Variants in NAA11 observed in about 807,000 individuals in gnomAD.
The protein encoded by NAA11 is N-alpha-acetyltransferase 11, NatA catalytic subunit.
A neutral mutation model predicts 16.1 loss-of-function variants in NAA11; 15 were observed. That is an observed-to-expected ratio of 0.93 (90% CI 0.62 to 1.44). The LOEUF is 1.44. NAA11 is among the 40% of genes most tolerant of loss of function. The pLI is 0.00. For synonymous variants in NAA11, 122 were observed against 112.4 expected, an observed-to-expected ratio of 1.09 and a Z score of -0.54; for missense variants, 298 against 291.3, an observed-to-expected ratio of 1.02 and a Z score of -0.17.
chr4:79,283,030 A>G (rs949359092), intron 2 of NAA11, among the ~76,000 whole-genome samples: 3 of 152,104 alleles, frequency 2.0e-5, no homozygotes, highest in African/African-American at 7.2e-5. Context: ...ACCATGGCCA[A>G]CGCTGCTGAG....
intron 1 of NAA11, among the ~76,000 whole-genome samples, chr4:79,296,107 T>C (rs1027147964): frequency 1.3e-5 from 2 of 152,242 alleles, no homozygotes; most frequent in African/African-American, 4.8e-5. Context: ...CTTCATTCTG[T>C]GTAATTCTGT....
At chr4:79,265,209 C>T (rs1560433662) in intron 2 of NAA11, among the ~76,000 whole-genome samples, 2 of 152,118 alleles carry the variant, frequency 1.3e-5, no homozygotes, top group African/African-American at 4.8e-5. Flanking sequence ...TTTCAAGTCT[C>T]CCCATTTTCC....
chr4:79,322,177 G>C (rs1724110699), intron 1 of NAA11, among the ~76,000 whole-genome samples: 1 of 152,188 alleles, frequency 6.6e-6, no homozygotes, highest in Non-Finnish European at 1.5e-5. Flanking sequence ...CCTCCGGTTG[G>C]AAAAGACCCA....
At chr4:79,276,798 C>T (rs910937759) in intron 2 of NAA11, among the ~76,000 whole-genome samples, 6 of 152,088 alleles carry the variant, frequency 3.9e-5, no homozygotes, top group East Asian at 3.9e-4. Flanking sequence ...TCTATTTAGA[C>T]GCAATTGGAG....
chr4:79,276,607 A>G lies in NAA11; in HGVS notation c.*122+17398T>C, dbSNP rs540254313. ...ATAAGTCAGCCCTTGTTCATCCCCAAGTGGATGTGTGGTGGTATTGTGGTG... is the reference window on the plus strand; with the variant it reads ...ATAAGTCAGCCCTTGTTCATCCCCAGGTGGATGTGTGGTGGTATTGTGGTG... On this transcript the variant is annotated intron_variant and NMD_transcript_variant, in intron 2 of 2. Transcript: ENST00000511542. Among the ~76,000 whole-genome samples, 33 of 152,218 alleles carry G rather than the reference A, an allele frequency of 2.2e-4. No homozygotes were observed. The South Asian group carries it at 6.4e-3, about 30-fold the overall frequency.
At chr4:79,165,722 ACTGGAGGAAAAT>A in the NAA11 span, among the ~76,000 whole-genome samples, 1 of 152,208 alleles carries the variant, frequency 6.6e-6, no homozygotes, top group South Asian at 2.1e-4. Context: ...GGCTGCAGAG[ACTGGAGGAAAAT>A]CTCTTCTGCA....
the NAA11 span, among the ~76,000 whole-genome samples, chr4:79,172,172 C>T: frequency 3.3e-5 from 5 of 151,878 alleles, no homozygotes; most frequent in Admixed American, 2.0e-4. Context: ...ATCACTTATA[C>T]GTTGGAAAAA....
the NAA11 span, among the ~76,000 whole-genome samples, chr4:79,185,684 A>G: frequency 6.6e-6 from 1 of 152,178 alleles, no homozygotes; most frequent in Non-Finnish European, 1.5e-5. Context: ...TTGAAGCAAT[A>G]TGGTATTCTC....
the NAA11 span, among the ~76,000 whole-genome samples, chr4:79,188,310 G>A: frequency 0.69 from 104,940 of 152,012 alleles, 39,134 homozygotes; most frequent in East Asian, 0.89. Flanking sequence ...TTCTGGCCGG[G>A]CGCGGTGGCT....
downstream of NAA11, among the ~76,000 whole-genome samples, chr4:79,224,378 A>G (rs1471831507): frequency 6.6e-6 from 1 of 152,156 alleles, no homozygotes; most frequent in Admixed American, 6.6e-5. Flanking sequence ...AATAACATCT[A>G]CAGTTCTTGC....
chr4:79,264,034 A>G (rs1722292239), intron 2 of NAA11, among the ~76,000 whole-genome samples: 1 of 152,154 alleles, frequency 6.6e-6, no homozygotes, highest in Non-Finnish European at 1.5e-5. Context: ...GGCATGAGCC[A>G]CTGTGCCCAG....
intron 2 of NAA11, among the ~76,000 whole-genome samples, chr4:79,268,791 G>A (rs368036643): frequency 3.3e-5 from 5 of 150,934 alleles, no homozygotes; most frequent in Non-Finnish European, 5.9e-5. Flanking sequence ...ATGCTGGTGC[G>A]CTGCACCCAC....
intron 2 of NAA11, among the ~76,000 whole-genome samples, chr4:79,267,392 A>T (rs1722377149): frequency 6.6e-6 from 1 of 152,212 alleles, no homozygotes; most frequent in Admixed American, 6.5e-5. Context: ...ATTCTAAAAA[A>T]GTGGAAAGCC....
At chr4:79,271,133 T>C (rs56287322) in intron 2 of NAA11, among the ~76,000 whole-genome samples, 3 of 56,084 alleles carry the variant, frequency 5.3e-5, no homozygotes, top group Admixed American at 4.3e-4. Flanking sequence ...GAAAACCCCA[T>C]TGTCTCAGCC....
the NAA11 span, among the ~76,000 whole-genome samples, chr4:79,157,553 A>T: frequency 6.6e-6 from 1 of 151,834 alleles, no homozygotes; most frequent in African/African-American, 2.4e-5. Context: ...ACACATGTAC[A>T]CATATGTATA....
At chr4:79,210,259 C>T in the NAA11 span, among the ~76,000 whole-genome samples, 2 of 151,962 alleles carry the variant, frequency 1.3e-5, no homozygotes, top group East Asian at 1.9e-4. Flanking sequence ...TTATTGCGGG[C>T]GGGGAAGAAT....
the NAA11 span, among the ~76,000 whole-genome samples, chr4:79,215,312 G>A: frequency 1.3e-5 from 2 of 152,064 alleles, no homozygotes; most frequent in Admixed American, 1.3e-4. Flanking sequence ...GGTAGTCTTG[G>A]GCCAACCAGT....
At chr4:79,200,439 T>C in the NAA11 span, among the ~76,000 whole-genome samples, 2 of 151,698 alleles carry the variant, frequency 1.3e-5, no homozygotes, top group Non-Finnish European at 2.9e-5. Context: ...TTAAATTACA[T>C]TGGAATTAAG....
chr4:79,301,620 A>G (rs187815204), intron 1 of NAA11, among the ~76,000 whole-genome samples: 52 of 152,344 alleles, frequency 3.4e-4, no homozygotes, highest in Admixed American at 2.9e-3. Flanking sequence ...AGAAAATACA[A>G]TAAGTTAAAA....
Sources: allele counts gnomAD v4.1 joint callset (sites outside exome capture counted in the v4.1 genomes callset), GRCh38; gene constraint gnomAD v4.1.1; transcripts MANE v1.5; gene names NCBI Gene and HGNC (gene_info 2026-07-23, HGNC 2026-07-21).